HEATR4: variants seen among roughly 807,000 people sequenced by gnomAD.
The protein encoded by HEATR4 is HEAT repeat containing 4.
Under a neutral mutation model 108.8 loss-of-function variants are expected in HEATR4, and 95 were observed. That is an observed-to-expected ratio of 0.87 (90% CI 0.74 to 1.04). The LOEUF (loss-of-function observed/expected upper bound fraction) is 1.04, where lower values mean the gene tolerates loss of function less well. Among genes scored for constraint, HEATR4 ranks in the 50% least tolerant of loss-of-function variants. The pLI, the probability that HEATR4 is intolerant of heterozygous loss-of-function variation, is 0.00. For missense variants in HEATR4, 1,152 were observed against 1,253.8 expected (o/e 0.92, Z 1.23); for synonymous variants, 443 against 459.4 (o/e 0.96, Z 0.46).
chr14:73,548,819 C>CT (rs1889276422), intron 1 of HEATR4, among the ~76,000 whole-genome samples: 1 of 114,244 alleles, frequency 8.8e-6, no homozygotes, highest in African/African-American at 2.8e-5. Context: ...TAGGCATGAA[C>CT]CACTGTGCCA....
the HEATR4 span, chr14:73,619,716 A>G: frequency 6.2e-7 from 1 of 1,614,162 alleles, no homozygotes; most frequent in Non-Finnish European, 8.5e-7. Flanking sequence ...TGGGTGAGGC[A>G]ATATTCTATG....
chr14:73,505,372 G>A (rs77460561), intron 10 of HEATR4, among the ~76,000 whole-genome samples: 3,043 of 151,784 alleles, frequency 0.02, 118 homozygotes, highest in African/African-American at 0.07. Context: ...GTGAAAGTTG[G>A]GACAATGGTT....
At chr14:73,498,629 C>T (rs1450670232) in intron 13 of HEATR4, among the ~76,000 whole-genome samples, 4 of 152,098 alleles carry the variant, frequency 2.6e-5, no homozygotes, top group Non-Finnish European at 5.9e-5. Flanking sequence ...GGAAAGGAGG[C>T]ACAATTATTT....
the HEATR4 span, among the ~76,000 whole-genome samples, chr14:73,592,991 C>T: frequency 4.9e-3 from 749 of 152,326 alleles, 7 homozygotes; most frequent in African/African-American, 0.017. Context: ...AGGTTCAGGT[C>T]GTCAGGTACA....
At chr14:73,498,987 T>G in intron 13 of HEATR4, 84 bp downstream of exon 13, 3 of 1,128,222 alleles carry the variant, frequency 2.7e-6, no homozygotes, top group Non-Finnish European at 1.4e-6. Flanking sequence ...CTTCACCCCA[T>G]TAGAGAGTTT....
Position 73,554,651 on chromosome 14 carries a change from C to A in HEATR4, c.-152+4100G>T, listed in dbSNP as rs1889370248. ...GTGGGGAATAAAATATTACCAAAGTCTATAAAAATAAATTTTACATGTTCT... is the reference window on the plus strand; with the variant it reads ...GTGGGGAATAAAATATTACCAAAGTATATAAAAATAAATTTTACATGTTCT... On this transcript the variant is annotated intron_variant, in intron 1 of 17. Transcript: ENST00000553558. Among the ~76,000 whole-genome samples the A allele has an allele frequency of 1.7e-5, 2 of 114,674 alleles. 1 individual carries two copies. The highest frequency in any genetic ancestry group is 5.6e-5 in the African/African-American group (2 of 35,562). 75.2% of individuals were successfully genotyped at this position (114,674 alleles called of 152,430 possible). A position where few individuals can be genotyped will look rare whatever the true frequency, so the allele number is the denominator to read the frequency against.
In HEATR4 at chr14:73,512,081, G is replaced by A. The variant is rs777866454; in HGVS notation, c.1483C>T (p.Arg495Trp). The change falls in exon 7 of 18, where the codon CGG (arginine) becomes TGG (tryptophan). Residue 495 changes from arginine (R) to tryptophan (W), a missense_variant. Arg to Trp is a moderately radical substitution (Grantham distance 101). Transcript: ENST00000553558. Reference protein sequence around the residue: ...QSLGDLHDDVRIKAITTCATA... With the variant: ...QSLGDLHDDVWIKAITTCATA... ...GCACATGTGGTGATAGCTTTGATCC[G>A]AACGTCATCATGCAGGTCTCCCAAG... 47 of 1,613,978 alleles carry A rather than the reference G, an allele frequency of 2.9e-5. No homozygotes were observed. In the Middle Eastern group the frequency reaches 4.9e-4, roughly 17 times the overall value.
At chr14:73,524,310 A>AAAAAAAAATAT in intron 2 of HEATR4, among the ~76,000 whole-genome samples, 8 of 54,774 alleles carry the variant, frequency 1.5e-4, no homozygotes, top group Non-Finnish European at 2.5e-4. Flanking sequence ...AAAAAAAAAA[A>AAAAAAAAATAT]ATATATATAT....
At chr14:73,619,961 G>T in the HEATR4 span, 1 of 1,141,542 alleles carries the variant, frequency 8.8e-7, no homozygotes. Flanking sequence ...ACATAGGCTG[G>T]AGTGCAGTGG....
rs1489151909 is a variant in HEATR4 at position 73,484,726 on chromosome 14, T to C, written c.2845-5884A>G. On this transcript the variant is annotated intron_variant, in intron 17 of 17. Transcript: ENST00000553558. ...AAAGTTAAACATGAAAATTCTTCTATAACAAATAATCCCATTGCCCAGAGG... is the reference window on the plus strand; with the variant it reads ...AAAGTTAAACATGAAAATTCTTCTACAACAAATAATCCCATTGCCCAGAGG... Among the ~76,000 whole-genome samples the C allele has an allele frequency of 2.0e-5, 3 of 152,014 alleles. No homozygotes were observed. The East Asian group carries it at 5.8e-4, about 29-fold the overall frequency.
chr14:73,612,674 C>T, the HEATR4 span: 9 of 1,411,124 alleles, frequency 6.4e-6, no homozygotes, highest in Non-Finnish European at 8.3e-6. Flanking sequence ...AGTCACGCTG[C>T]GCACGTCCCT....
At chr14:73,584,244 C>T in the HEATR4 span, among the ~76,000 whole-genome samples, 957 of 151,566 alleles carry the variant, frequency 6.3e-3, 15 homozygotes, top group African/African-American at 0.022. Flanking sequence ...TTCAGGTGCC[C>T]GGTCAGGTCT....
intron 1 of HEATR4, among the ~76,000 whole-genome samples, chr14:73,544,533 T>C (rs1461803438): frequency 8.6e-6 from 1 of 116,078 alleles, no homozygotes; most frequent in Non-Finnish European, 1.9e-5. Context: ...ATAAATTTTA[T>C]GTTCCTGTTT....
At chr14:73,497,944 G>T (rs1411867868) in intron 14 of HEATR4, among the ~76,000 whole-genome samples, 1 of 152,150 alleles carries the variant, frequency 6.6e-6, no homozygotes, top group Non-Finnish European at 1.5e-5. Context: ...TCCTGGTGGG[G>T]AGAAAAGATG....
At chr14:73,610,042 C>G in the HEATR4 span, among the ~76,000 whole-genome samples, 3 of 151,790 alleles carry the variant, frequency 2.0e-5, no homozygotes, top group Non-Finnish European at 2.9e-5. Context: ...GGATAAACAC[C>G]TCAGGCATGG....
the HEATR4 span, chr14:73,593,809 G>C: frequency 1.9e-6 from 3 of 1,613,292 alleles, no homozygotes; most frequent in East Asian, 6.7e-5. Context: ...GTTGGCTCTA[G>C]CTTATTATAA....
upstream of HEATR4, among the ~76,000 whole-genome samples, chr14:73,561,647 C>T (rs913687769): frequency 4.6e-5 from 7 of 151,674 alleles, no homozygotes; most frequent in Non-Finnish European, 1.0e-4. Flanking sequence ...TTGCACCACT[C>T]CACCCCAGCC....
rs1212501285 is a variant in HEATR4, at chr14:73,553,151, C to T, written c.-152+5600G>A. Among the ~76,000 whole-genome samples the T allele has an allele frequency of 1.7e-5, 2 of 115,120 alleles. 1 individual carries two copies. Among genetic ancestry groups the T allele is most frequent in the Admixed American group, 1.9e-4 (2 of 10,330 alleles). 75.5% of individuals were successfully genotyped at this position (115,120 alleles called of 152,430 possible). A position where few individuals can be genotyped will look rare whatever the true frequency, so the allele number is the denominator to read the frequency against. ...GGACACAAGCCTCCTGCTCAGGACA[C>T]TTTCTGGGGTCCTGTGCCTCCCCTT... On this transcript the variant is annotated intron_variant, in intron 1 of 17. Transcript: ENST00000553558.
At chr14:73,503,038 T>TGATGATACCTA in intron 10 of HEATR4, 25 bp from the exon 11 acceptor site, 1 of 1,528,032 alleles carries the variant, frequency 6.5e-7, no homozygotes, top group Non-Finnish European at 9.1e-7. Flanking sequence ...GATCATTAGG[T>TGATGATACCTA]ATCATCACTT....
Sources: gnomAD v4.1 joint callset for allele counts (sites outside exome capture counted in the v4.1 genomes callset) on GRCh38, gnomAD v4.1.1 for gene constraint, MANE v1.5 for transcripts, NCBI Gene and HGNC (gene_info 2026-07-23, HGNC 2026-07-21) for gene names.